The following DNAJC1 variants were observed in gnomAD, a reference collection of about 807,000 sequenced individuals.
DNAJC1 encodes dnaJ homolog subfamily C member 1.
DNAJC1 carries 58 observed loss-of-function variants against 76.6 expected under a neutral mutation model. The observed-to-expected ratio is 0.76, with a 90% CI of 0.61 to 0.94. The LOEUF (loss-of-function observed/expected upper bound fraction) is 0.94, where lower values mean the gene tolerates loss of function less well. Ranked by LOEUF, DNAJC1 falls within the 40% of genes least tolerant of loss-of-function variation. The probability of loss-of-function intolerance (pLI) is 0.00; values close to 1 mark genes in which losing one functional copy is unlikely to be tolerated. For missense variants in DNAJC1, 689 were observed against 677.3 expected (o/e 1.02, Z -0.19); for synonymous variants, 258 against 267.9 (o/e 0.96, Z 0.36).
chr10:21,761,965 G>C (rs190138105), intron 10 of DNAJC1, among the ~76,000 whole-genome samples: 52 of 151,998 alleles, frequency 3.4e-4, no homozygotes, highest in African/African-American at 1.1e-3. Context: ...TGGAGTGAAG[G>C]GGCGCGATTT....
At position 21,759,251 on chromosome 10, in the gene DNAJC1, C is replaced by T. The variant is rs1239532999; in HGVS notation, c.1515G>A (p.Leu505=). ...TTGGGTACTGCTGCAACGCCAGTTCCAGAAGTTTCTGTTGATTTTGAGTCC... is the reference window on the plus strand; with the variant it reads ...TTGGGTACTGCTGCAACGCCAGTTCTAGAAGTTTCTGTTGATTTTGAGTCC... ...EPWTQNQQKL[L]ELALQQYPRG... Residue 505 remains leucine, a synonymous_variant, in exon 11 of 12, where the codon CTG becomes CTA. Transcript: ENST00000376980. 1.2e-6 allele frequency: 2 copies of T among 1,614,110 alleles called. No homozygotes were observed. The highest frequency in any genetic ancestry group is 2.7e-5 in the African/African-American group (2 of 74,950).
chr10:21,863,668 A>G (rs1776779245), intron 8 of DNAJC1, among the ~76,000 whole-genome samples: 1 of 152,188 alleles, frequency 6.6e-6, no homozygotes, highest in African/African-American at 2.4e-5. Flanking sequence ...AGTTTATTCC[A>G]GGAATTCAAG....
chr10:22,003,457 C>A lies in DNAJC1; in HGVS notation c.-23G>T. 7.4e-7 allele frequency: 1 copy of A among 1,344,940 alleles called. No individual in the cohort carries two copies. The highest frequency in any genetic ancestry group is 2.0e-5 in the South Asian group (1 of 49,568). 83.3% of individuals were successfully genotyped at this position (1,344,940 alleles called of 1,614,324 possible). A position where few individuals can be genotyped will look rare whatever the true frequency, so the allele number is the denominator to read the frequency against. ...CATCGCGCTGGGCTCGGAAAGGTCA[C>A]CCGCCGCGCAGCTCCGTTGGCCGAG... On this transcript the variant is annotated 5_prime_UTR_variant, in exon 1 of 12. Coordinates refer to ENST00000376980, the MANE Select transcript of DNAJC1 (RefSeq NM_022365.4).
chr10:21,852,368 G>C (rs1018453004), intron 8 of DNAJC1, among the ~76,000 whole-genome samples: 4 of 152,106 alleles, frequency 2.6e-5, no homozygotes, highest in Non-Finnish European at 4.4e-5. Flanking sequence ...TCCTTTTGAG[G>C]TGATATCATG....
In DNAJC1 at chr10:21,974,142, T is replaced by C. The variant is rs953694432; in HGVS notation, c.222+29071A>G. Reference sequence around the variant, plus strand: ...AAAAAGAAAAAAAGGAAAAGAAATATGATTTTCAATAGTAACCTACCAACC... The same window carrying C: ...AAAAAGAAAAAAAGGAAAAGAAATACGATTTTCAATAGTAACCTACCAACC... On this transcript the variant is annotated intron_variant, in intron 1 of 11. Coordinates refer to ENST00000376980, the MANE Select transcript of DNAJC1 (RefSeq NM_022365.4). 4.6e-5 allele frequency among the ~76,000 whole-genome samples: 7 copies of C among 151,014 alleles called. 1 individual carries two copies. The highest frequency in any genetic ancestry group is 2.0e-4 in the Admixed American group (3 of 15,154).
intron 9 of DNAJC1, among the ~76,000 whole-genome samples, chr10:21,782,345 A>G (rs1341424987): frequency 1.3e-5 from 2 of 152,250 alleles, no homozygotes; most frequent in East Asian, 3.8e-4. Flanking sequence ...AACCAGGAAG[A>G]AGTCGAATCT....
At chr10:21,829,833 T>C (rs1239531737) in intron 8 of DNAJC1, among the ~76,000 whole-genome samples, 1 of 152,250 alleles carries the variant, frequency 6.6e-6, no homozygotes, top group Non-Finnish European at 1.5e-5. Flanking sequence ...ATTTATGCCA[T>C]TTACCATGTG....
chr10:21,924,193 G>C (rs941341033), intron 3 of DNAJC1, among the ~76,000 whole-genome samples: 1 of 151,854 alleles, frequency 6.6e-6, no homozygotes, highest in Admixed American at 6.6e-5. Flanking sequence ...ATTTAGGAAA[G>C]GTGCCAAAAT....
Position 21,819,453 on chromosome 10 carries a change from C to A in DNAJC1, c.979-13354G>T, listed in dbSNP as rs552841630. Among the ~76,000 whole-genome samples the A allele has an allele frequency of 7.9e-5, 12 of 151,570 alleles. No homozygotes were observed. The South Asian group carries it at 2.5e-3, about 31-fold the overall frequency. On this transcript the variant is annotated intron_variant, in intron 8 of 11. Coordinates refer to ENST00000376980, the MANE Select transcript of DNAJC1 (RefSeq NM_022365.4). The stretch of plus-strand genomic sequence containing the variant: ...CAGTAGTCTACTAGCTTGTTGGTCA[C>A]GCTTTGAAATTCAAAATTTTAAAAT...
At chr10:21,893,118 T>A (rs934190123) in intron 7 of DNAJC1, among the ~76,000 whole-genome samples, 2 of 152,176 alleles carry the variant, frequency 1.3e-5, no homozygotes, top group Non-Finnish European at 2.9e-5. Flanking sequence ...GGATCATATC[T>A]TGGGCCATAA....
At chr10:21,958,758 T>C (rs1381764572) in intron 1 of DNAJC1, among the ~76,000 whole-genome samples, 1 of 152,000 alleles carries the variant, frequency 6.6e-6, no homozygotes, top group Non-Finnish European at 1.5e-5. Context: ...TTCATATAAA[T>C]GGAAGGGATG....
chr10:21,978,738 C>T lies in DNAJC1; in HGVS notation c.222+24475G>A, dbSNP rs117638644. On this transcript the variant is annotated intron_variant, in intron 1 of 11. Coordinates refer to ENST00000376980, the MANE Select transcript of DNAJC1 (RefSeq NM_022365.4). The stretch of plus-strand genomic sequence containing the variant: ...AACATACACAAACTTCCCACAAGAG[C>T]TGATACAAGACCCAAGAATCCTAAG... 3.8e-3 allele frequency among the ~76,000 whole-genome samples: 572 copies of T among 152,150 alleles called. 1 individual carries two copies. Among genetic ancestry groups the T allele is most frequent in the South Asian group, 7.0e-3 (34 of 4,826 alleles).
chr10:21,870,344 GA>G (rs1212572501), intron 8 of DNAJC1, among the ~76,000 whole-genome samples: 1 of 152,036 alleles, frequency 6.6e-6, no homozygotes, highest in African/African-American at 2.4e-5. Flanking sequence ...GACAAAATCA[GA>G]AGAGTAAGAA....
At chr10:21,915,246 A>G (rs931842867) in intron 6 of DNAJC1, among the ~76,000 whole-genome samples, 1 of 152,230 alleles carries the variant, frequency 6.6e-6, no homozygotes, top group Non-Finnish European at 1.5e-5. Flanking sequence ...TAGGGCTCTT[A>G]GATGCTAAGT....
intron 1 of DNAJC1, among the ~76,000 whole-genome samples, chr10:21,968,667 C>G (rs1430777873): frequency 6.6e-6 from 1 of 151,966 alleles, no homozygotes; most frequent in African/African-American, 2.4e-5. Flanking sequence ...TCCGCCACCA[C>G]GCCCGGCTAA....
intron 1 of DNAJC1, among the ~76,000 whole-genome samples, chr10:22,002,143 G>C (rs906076728): frequency 6.6e-6 from 1 of 152,186 alleles, no homozygotes; most frequent in African/African-American, 2.4e-5. Context: ...CCACATTTAT[G>C]ATAACCTATG....
Position 22,003,660 on chromosome 10 carries a change from G to T in DNAJC1, c.-226C>A, listed in dbSNP as rs891508962. On this transcript the variant is annotated 5_prime_UTR_variant, in exon 1 of 12. Transcript: ENST00000376980. ...CGGGCGGGGCCGCAGCCAGCGCTACGTTCCGAAGACCCTCGCCCCCAGGCC... is the reference window on the plus strand; with the variant it reads ...CGGGCGGGGCCGCAGCCAGCGCTACTTTCCGAAGACCCTCGCCCCCAGGCC... 1.1e-5 allele frequency: 5 copies of T among 436,386 alleles called. No homozygotes were observed. The highest frequency in any genetic ancestry group is 1.9e-5 in the Non-Finnish European group (5 of 262,582). The allele number at this position is 436,386 out of a possible 1,614,324, so 27.0% of individuals were successfully genotyped here.
intron 9 of DNAJC1, among the ~76,000 whole-genome samples, chr10:21,788,223 C>T (rs1444395337): frequency 6.6e-6 from 1 of 152,242 alleles, no homozygotes; most frequent in Non-Finnish European, 1.5e-5. Flanking sequence ...CCCTACAAGC[C>T]TGAGCTGGAA....
intron 1 of DNAJC1, among the ~76,000 whole-genome samples, chr10:21,963,256 A>G (rs1019915903): frequency 1.3e-5 from 2 of 152,226 alleles, no homozygotes; most frequent in African/African-American, 4.8e-5. Context: ...CACGCTCAGT[A>G]CATAATTTGA....
Sources: gnomAD v4.1 joint callset for allele counts (sites outside exome capture counted in the v4.1 genomes callset) on GRCh38, gnomAD v4.1.1 for gene constraint, MANE v1.5 for transcripts, NCBI Gene and HGNC (gene_info 2026-07-23, HGNC 2026-07-21) for gene names.